Variants in GRIK2 observed in about 807,000 individuals in gnomAD.
The protein encoded by GRIK2 is glutamate receptor ionotropic, kainate 2.
In GRIK2, 32 loss-of-function variants were observed where a neutral mutation model predicts 100.3. The ratio of observed to expected loss-of-function variants is 0.32; its 90% CI spans 0.24 to 0.43. The LOEUF (loss-of-function observed/expected upper bound fraction) is 0.43, where lower values mean the gene tolerates loss of function less well. GRIK2 is among the 20% of genes least tolerant of loss of function. GRIK2 has a pLI of 1.00. For synonymous variants in GRIK2, 417 were observed against 389.4 expected, an observed-to-expected ratio of 1.07 and a Z score of -0.83; for missense variants, 843 against 1,114.9, an observed-to-expected ratio of 0.76 and a Z score of 3.47.
In GRIK2 at chr6:101,963,278, A is replaced by ATTTTTTTTTTTTTT. The variant is rs3029099; in HGVS notation, c.2085+34670_2085+34683dup. ...TATTTCATATTTATACTTATTTAGG[A>ATTTTTTTTTTTTTT]TTTTTTTTTTTTTTTTTTTTTTTTT... is the stretch of plus-strand genomic sequence containing the variant. On this transcript the variant is annotated intron_variant, in intron 14 of 16. Coordinates refer to ENST00000369134, the MANE Select transcript of GRIK2 (RefSeq NM_021956.5). Among the ~76,000 whole-genome samples the ATTTTTTTTTTTTTT allele has an allele frequency of 2.2e-4, 6 of 27,844 alleles. 3 individuals carry two copies. The highest frequency in any genetic ancestry group is 1.0e-3 in the Admixed American group (2 of 1,924). The allele number at this position is 27,844 out of a possible 152,430, so 18.3% of individuals were successfully genotyped here. A position where few individuals can be genotyped will look rare whatever the true frequency, so the allele number is the denominator to read the frequency against.
At chr6:101,591,209 T>G (rs146162454) in intron 2 of GRIK2, among the ~76,000 whole-genome samples, 323 of 152,070 alleles carry the variant, frequency 2.1e-3, no homozygotes, top group Middle Eastern at 6.8e-3. Flanking sequence ...TTTTTTAATT[T>G]TTCCGCATAA....
intron 16 of GRIK2, among the ~76,000 whole-genome samples, chr6:102,061,931 A>G (rs1024572353): frequency 4.0e-5 from 6 of 150,458 alleles, no homozygotes; most frequent in African/African-American, 1.5e-4. Flanking sequence ...AAATCGTATC[A>G]TTATGACTAC....
chr6:101,970,058 A>G (rs1335328386), intron 14 of GRIK2, among the ~76,000 whole-genome samples: 1 of 152,030 alleles, frequency 6.6e-6, no homozygotes, highest in Non-Finnish European at 1.5e-5. Flanking sequence ...TCACATGCCT[A>G]TTTTTATATC....
At chr6:101,496,107 G>T (rs1235930359) in intron 2 of GRIK2, among the ~76,000 whole-genome samples, 1 of 151,874 alleles carries the variant, frequency 6.6e-6, no homozygotes, top group Non-Finnish European at 1.5e-5. Context: ...CACCACACCT[G>T]GCTAATTTTT....
chr6:101,857,756 A>C (rs1784503771), intron 10 of GRIK2, among the ~76,000 whole-genome samples: 1 of 152,228 alleles, frequency 6.6e-6, no homozygotes, highest in African/African-American at 2.4e-5. Context: ...GCCTTCGATA[A>C]AATGTGCTAA....
intron 2 of GRIK2, among the ~76,000 whole-genome samples, chr6:101,601,178 G>A (rs889533818): frequency 2.1e-5 from 3 of 145,272 alleles, no homozygotes; most frequent in African/African-American, 7.6e-5. Flanking sequence ...TGCTTTTTCT[G>A]TGTCTGTTGA....
At chr6:101,821,516 A>C (rs1036163440) in intron 10 of GRIK2, among the ~76,000 whole-genome samples, 1 of 152,138 alleles carries the variant, frequency 6.6e-6, no homozygotes, top group Non-Finnish European at 1.5e-5. Context: ...TGTAAGATCA[A>C]CTATGGAAGA....
chr6:101,700,195 A>G (rs1280356045), intron 7 of GRIK2, among the ~76,000 whole-genome samples: 4 of 151,856 alleles, frequency 2.6e-5, no homozygotes, highest in Non-Finnish European at 5.9e-5. Flanking sequence ...AGAGAATTTG[A>G]TATTTCTATC....
rs150716656 is a variant in GRIK2 at position 101,589,449 on chromosome 6, C to A, written c.116-32500C>A. Among the ~76,000 whole-genome samples the A allele has an allele frequency of 2.6e-5, 4 of 152,212 alleles. No individual in the cohort carries two copies. In the East Asian group the frequency reaches 7.8e-4, roughly 30 times the overall value. On this transcript the variant is annotated intron_variant, in intron 2 of 16. Coordinates refer to ENST00000369134, the MANE Select transcript of GRIK2 (RefSeq NM_021956.5). ...CTTTGACCAATATCTCTCCAACACC[C>A]ACCCACCACCACAACTATTCTAGCT...
intron 4 of GRIK2, among the ~76,000 whole-genome samples, chr6:101,644,848 T>A (rs919327204): frequency 7.9e-5 from 12 of 151,960 alleles, no homozygotes; most frequent in Non-Finnish European, 1.5e-4. Flanking sequence ...GCCATGTGAT[T>A]TTCTTTTGCC....
intron 7 of GRIK2, among the ~76,000 whole-genome samples, chr6:101,700,126 A>G (rs1037020367): frequency 2.0e-5 from 3 of 151,568 alleles, no homozygotes; most frequent in Non-Finnish European, 4.4e-5. Context: ...CTCCAGCCTC[A>G]GTGACAGAGA....
intron 9 of GRIK2, among the ~76,000 whole-genome samples, chr6:101,807,866 T>C (rs982954287): frequency 6.6e-6 from 1 of 152,062 alleles, no homozygotes; most frequent in Non-Finnish European, 1.5e-5. Flanking sequence ...CATTGTCTAT[T>C]TGTGTATTCA....
At chr6:101,506,109 C>A (rs1022280681) in intron 2 of GRIK2, among the ~76,000 whole-genome samples, 1 of 152,032 alleles carries the variant, frequency 6.6e-6, no homozygotes, top group Non-Finnish European at 1.5e-5. Context: ...TAATTATTCT[C>A]ATTTTACAGA....
intron 16 of GRIK2, among the ~76,000 whole-genome samples, chr6:102,058,494 A>G (rs932936077): frequency 6.6e-6 from 1 of 151,716 alleles, no homozygotes; most frequent in Non-Finnish European, 1.5e-5. Flanking sequence ...ATAATTATGG[A>G]TTTAATGGAA....
At chr6:101,802,276 T>A (rs1583179908) in intron 8 of GRIK2, 55 bp from the exon 9 acceptor site, 1 of 660,998 alleles carries the variant, frequency 1.5e-6, no homozygotes, top group Admixed American at 2.7e-5. Context: ...TGTGAAAAAA[T>A]GTTTATTCCA....
chr6:101,586,102 C>G (rs928760936), intron 2 of GRIK2, among the ~76,000 whole-genome samples: 1 of 151,848 alleles, frequency 6.6e-6, no homozygotes, highest in African/African-American at 2.4e-5. Context: ...TGAAGCTGGG[C>G]GCCTACACCT....
At chr6:102,061,384 G>T (rs1285614425) in intron 16 of GRIK2, among the ~76,000 whole-genome samples, 1 of 150,464 alleles carries the variant, frequency 6.6e-6, no homozygotes, top group Non-Finnish European at 1.5e-5. Flanking sequence ...CAAGGGTGAA[G>T]TTGTTTTCCA....
intron 14 of GRIK2, chr6:101,993,800 T>C (rs866164911): frequency 2.0e-5 from 3 of 148,366 alleles, no homozygotes; most frequent in African/African-American, 4.9e-5. Context: ...TTAATATATA[T>C]GTTAACATAC....
chr6:101,902,042 A>G (rs1041723641), intron 12 of GRIK2, among the ~76,000 whole-genome samples: 2 of 152,046 alleles, frequency 1.3e-5, no homozygotes, highest in Non-Finnish European at 2.9e-5. Flanking sequence ...AATTTAAATG[A>G]TATTTATTGT....
Sources: allele counts gnomAD v4.1 joint callset (sites outside exome capture counted in the v4.1 genomes callset), GRCh38; gene constraint gnomAD v4.1.1; transcripts MANE v1.5; gene names NCBI Gene and HGNC (gene_info 2026-07-23, HGNC 2026-07-21).